SLC17A6: variants seen among roughly 807,000 people sequenced by gnomAD.
The protein encoded by SLC17A6 is vesicular glutamate transporter 2.
In SLC17A6, 35 loss-of-function variants were observed where a neutral mutation model predicts 67.1. The ratio of observed to expected loss-of-function variants is 0.52; its 90% CI spans 0.40 to 0.69. The LOEUF is 0.69. Among genes scored for constraint, SLC17A6 ranks in the 30% least tolerant of loss-of-function variants. The pLI is 0.00. For missense variants in SLC17A6, 588 were observed against 723.9 expected, an observed-to-expected ratio of 0.81 and a Z score of 2.15; for synonymous variants, 285 against 252.3, an observed-to-expected ratio of 1.13 and a Z score of -1.23.
intron 9 of SLC17A6, 100 bp from the exon 10 acceptor site, chr11:22,375,882 G>T: frequency 1.5e-6 from 1 of 669,940 alleles, no homozygotes; most frequent in Non-Finnish European, 2.6e-6. Flanking sequence ...TCTCTGAAGT[G>T]GAATTTCTAG....
At chr11:22,342,638 C>T (rs370601738) in intron 2 of SLC17A6, among the ~76,000 whole-genome samples, 12 of 152,238 alleles carry the variant, frequency 7.9e-5, no homozygotes, top group African/African-American at 2.6e-4. Context: ...TACCCCTGCC[C>T]CGTATTTATT....
chr11:22,341,227 C>T (rs967500477), intron 1 of SLC17A6, among the ~76,000 whole-genome samples: 1 of 152,162 alleles, frequency 6.6e-6, no homozygotes, highest in Non-Finnish European at 1.5e-5. Flanking sequence ...TAGGCCCAAG[C>T]GGCCTGTGTA....
chr11:22,341,888 G>A, intron 2 of SLC17A6, 108 bp downstream of exon 2: 1 of 1,484,972 alleles, frequency 6.7e-7, no homozygotes, highest in Non-Finnish European at 9.1e-7. Context: ...GAAGGTTTGG[G>A]TGCTCCCTAA....
At position 22,343,027 on chromosome 11, in the gene SLC17A6, G is replaced by T. The variant is rs543749398; in HGVS notation, c.340-220G>T. ...AGTAGTCAGGGAGCAAAGCCAGTGCGCCTGGCCTCACTATTAATCACAATA... is the reference window on the plus strand; with the variant it reads ...AGTAGTCAGGGAGCAAAGCCAGTGCTCCTGGCCTCACTATTAATCACAATA... On this transcript the variant is annotated intron_variant, in intron 2 of 11. Transcript: ENST00000263160. 59 of 606,568 alleles carry T rather than the reference G, an allele frequency of 9.7e-5. No individual in the cohort carries two copies. The East Asian group carries it at 1.8e-3, about 19-fold the overall frequency. The allele number at this position is 606,568 out of a possible 1,614,324, so 37.6% of individuals were successfully genotyped here. A position where few individuals can be genotyped will look rare whatever the true frequency, so the allele number is the denominator to read the frequency against.
At chr11:22,353,342 G>A (rs1855962878) in intron 3 of SLC17A6, among the ~76,000 whole-genome samples, 1 of 151,626 alleles carries the variant, frequency 6.6e-6, no homozygotes, top group Non-Finnish European at 1.5e-5. Flanking sequence ...TTTTCACAGT[G>A]TAACCAAAAC....
At chr11:22,370,442 G>T (rs1241455103) in intron 8 of SLC17A6, among the ~76,000 whole-genome samples, 1 of 152,088 alleles carries the variant, frequency 6.6e-6, no homozygotes, top group Non-Finnish European at 1.5e-5. Context: ...GGAACTTAGA[G>T]CCCAGTTGGA....
In SLC17A6 at chr11:22,338,624, G is replaced by T; in HGVS notation, c.86+5G>T. On this transcript the variant is annotated splice_donor_5th_base_variant and intron_variant, in intron 1 of 11. Transcript: ENST00000263160. ...ATCACTCGGCCAGATCTACAGGTAA[G>T]ACAAAGCGAACACTTGCTTACCTGG... The T allele has an allele frequency of 6.2e-7, 1 of 1,610,260 alleles. No individual in the cohort carries two copies. Among genetic ancestry groups the T allele is most frequent in the Non-Finnish European group, 8.5e-7 (1 of 1,177,366 alleles).
At chr11:22,371,851 CTT>C (rs146649482) in intron 8 of SLC17A6, among the ~76,000 whole-genome samples, 7,900 of 151,988 alleles carry the variant, frequency 0.052, 269 homozygotes, top group South Asian at 0.14. Flanking sequence ...AAAATTCTGA[CTT>C]AGCTGAAAAA....
At chr11:22,370,911 CTATCTT>C (rs1244586628) in intron 8 of SLC17A6, among the ~76,000 whole-genome samples, 3 of 152,040 alleles carry the variant, frequency 2.0e-5, no homozygotes, top group East Asian at 1.9e-4. Context: ...AAATACTACT[CTATCTT>C]TATATAGGAA....
intron 11 of SLC17A6, among the ~76,000 whole-genome samples, chr11:22,376,902 T>G (rs1012745893): frequency 2.0e-5 from 3 of 152,156 alleles, no homozygotes; most frequent in Non-Finnish European, 4.4e-5. Flanking sequence ...TTTTAATAAT[T>G]CTAATACCCC....
chr11:22,376,516 C>G, intron 10 of SLC17A6, 29 bp from the exon 11 acceptor site: 1 of 1,613,378 alleles, frequency 6.2e-7, no homozygotes, highest in Non-Finnish European at 8.5e-7. Flanking sequence ...TTAGGATGCC[C>G]TGAGTCAAAA....
intron 4 of SLC17A6, among the ~76,000 whole-genome samples, chr11:22,359,812 TGTG>T (rs201476949): frequency 0.14 from 21,884 of 151,988 alleles, 1,913 homozygotes; most frequent in East Asian, 0.46. Context: ...CTTTTGTTAA[TGTG>T]TCATGACAAG....
Position 22,353,188 on chromosome 11 carries a change from A to G in SLC17A6, c.459-6225A>G, listed in dbSNP as rs1855961376. Among the ~76,000 whole-genome samples, 7 of 152,302 alleles carry G rather than the reference A, an allele frequency of 4.6e-5. No individual in the cohort carries two copies. In the South Asian group the frequency reaches 1.5e-3, roughly 32 times the overall value. ...GGACCATACAGTGTCCCCTTTCATA[A>G]TTGATTTATTTAGTCTTCATGATAC... On this transcript the variant is annotated intron_variant, in intron 3 of 11. Coordinates refer to ENST00000263160, the MANE Select transcript of SLC17A6 (RefSeq NM_020346.3).
At chr11:22,354,341 C>G (rs926829303) in intron 3 of SLC17A6, among the ~76,000 whole-genome samples, 20 of 152,150 alleles carry the variant, frequency 1.3e-4, no homozygotes, top group Non-Finnish European at 1.0e-4. Flanking sequence ...ACCTCGGCCC[C>G]CAAAAATGCT....
intron 1 of SLC17A6, among the ~76,000 whole-genome samples, chr11:22,340,020 C>T (rs1199511099): frequency 6.6e-6 from 1 of 152,144 alleles, no homozygotes; most frequent in African/African-American, 2.4e-5. Context: ...GCCACAAATA[C>T]CTTTATGACT....
intron 7 of SLC17A6, among the ~76,000 whole-genome samples, chr11:22,367,250 G>C (rs1258645380): frequency 1.3e-5 from 2 of 151,304 alleles, no homozygotes; most frequent in African/African-American, 4.9e-5. Flanking sequence ...ATTTGTAAGA[G>C]AATGCCTGTC....
chr11:22,342,165 T>C (rs1168891806), intron 2 of SLC17A6, among the ~76,000 whole-genome samples: 1 of 152,232 alleles, frequency 6.6e-6, no homozygotes, highest in East Asian at 1.9e-4. Flanking sequence ...AGCCAAAACA[T>C]TCTTAATATT....
intron 3 of SLC17A6, among the ~76,000 whole-genome samples, chr11:22,344,853 T>G (rs546285199): frequency 6.6e-6 from 1 of 152,256 alleles, no homozygotes; most frequent in Admixed American, 6.5e-5. Flanking sequence ...ATATTTTTGG[T>G]TTTTAGATCC....
chr11:22,377,835 A>T lies in SLC17A6; in HGVS notation c.*95A>T. 1 of 1,010,436 alleles carries T rather than the reference A, an allele frequency of 9.9e-7. No homozygotes were observed. Among genetic ancestry groups the T allele is most frequent in the Non-Finnish European group, 1.4e-6 (1 of 704,232 alleles). The allele number at this position is 1,010,436 out of a possible 1,614,324, so 62.6% of individuals were successfully genotyped here. On this transcript the variant is annotated 3_prime_UTR_variant, in exon 12 of 12. Coordinates refer to ENST00000263160, the MANE Select transcript of SLC17A6 (RefSeq NM_020346.3). ...AAACACGTGATGTAAACTTGCAAGC[A>T]TATCAACCAGGCAAGTCTTGCTGTA...
Sources: gnomAD v4.1 joint callset for allele counts (sites outside exome capture counted in the v4.1 genomes callset) on GRCh38, gnomAD v4.1.1 for gene constraint, MANE v1.5 for transcripts, NCBI Gene and HGNC (gene_info 2026-07-23, HGNC 2026-07-21) for gene names.